Variants in SAMMSON observed in about 807,000 individuals in gnomAD.
SAMMSON encodes long intergenic non-protein coding RNA 1212.
intron 4 of SAMMSON, among the ~76,000 whole-genome samples, chr3:70,110,825 G>A (rs951213985): frequency 3.9e-5 from 6 of 152,090 alleles, no homozygotes; most frequent in Non-Finnish European, 7.4e-5. Context: ...CTGAACGTAC[G>A]CCACCTACTT....
At chr3:70,120,297 G>GT (rs1354020437) in intron 4 of SAMMSON, 3 of 152,218 alleles carry the variant, frequency 2.0e-5, no homozygotes, top group African/African-American at 7.2e-5. Context: ...ACCCAGGGAT[G>GT]TATGGCATTT....
chr3:70,365,906 T>C (rs576780518), intron 9 of SAMMSON, among the ~76,000 whole-genome samples: 1 of 151,654 alleles, frequency 6.6e-6, no homozygotes, highest in South Asian at 2.1e-4. Context: ...ACTTATATAT[T>C]GATTATTACA....
chr3:70,174,970 A>G (rs1207653541), intron 4 of SAMMSON, among the ~76,000 whole-genome samples: 1 of 152,074 alleles, frequency 6.6e-6, no homozygotes, highest in Non-Finnish European at 1.5e-5. Context: ...TCAAATTGAA[A>G]TGCATCTTAA....
rs78087148 is a variant in SAMMSON at position 70,409,465 on chromosome 3, TA to T, written n.233+51154del. On this transcript the variant is annotated intron_variant and non_coding_transcript_variant, in intron 2 of 3. Transcript: ENST00000641053. ...AGCCTCAGAAGACAAAGGCTTTGCTTAAAAAAAAAAAAAGAATTAGAGAAAA... is the reference window on the plus strand; with the variant it reads ...AGCCTCAGAAGACAAAGGCTTTGCTTAAAAAAAAAAAAGAATTAGAGAAAA... 9.2e-3 allele frequency among the ~76,000 whole-genome samples: 1,302 copies of T among 141,638 alleles called. 8 individuals are homozygous for T. The highest frequency in any genetic ancestry group is 0.019 in the African/African-American group (741 of 39,046). The allele number at this position is 141,638 out of a possible 152,430, so 92.9% of individuals were successfully genotyped here. A position where few individuals can be genotyped will look rare whatever the true frequency, so the allele number is the denominator to read the frequency against.
At chr3:70,169,581 C>T (rs2067653250) in intron 4 of SAMMSON, among the ~76,000 whole-genome samples, 1 of 150,482 alleles carries the variant, frequency 6.6e-6, no homozygotes, top group South Asian at 2.1e-4. Flanking sequence ...TCCTTGCTTT[C>T]AAAAGAAAAT....
At chr3:70,184,215 G>T (rs1701074936) in intron 4 of SAMMSON, 1 of 152,164 alleles carries the variant, frequency 6.6e-6, no homozygotes, top group Admixed American at 6.5e-5. Flanking sequence ...TATTTGTCCA[G>T]ATTAATAAAC....
chr3:70,030,865 T>A (rs1477135431), intron 3 of SAMMSON: 4 of 152,208 alleles, frequency 2.6e-5, no homozygotes, highest in Non-Finnish European at 5.9e-5. Flanking sequence ...ACACTCATTA[T>A]GTTGGCTATT....
At chr3:70,414,024 G>A (rs1315498289) in intron 2 of SAMMSON, among the ~76,000 whole-genome samples, 1 of 152,096 alleles carries the variant, frequency 6.6e-6, no homozygotes, top group Non-Finnish European at 1.5e-5. Flanking sequence ...GTCTTTTGTA[G>A]AAAAGAGCTT....
chr3:70,106,723 G>C (rs1245955930), intron 4 of SAMMSON, among the ~76,000 whole-genome samples: 1 of 152,114 alleles, frequency 6.6e-6, no homozygotes, highest in Admixed American at 6.6e-5. Flanking sequence ...GCTTTACAAA[G>C]CTTTTAAACT....
intron 7 of SAMMSON, among the ~76,000 whole-genome samples, chr3:70,339,067 G>T (rs1367748760): frequency 1.3e-5 from 2 of 151,888 alleles, no homozygotes; most frequent in Non-Finnish European, 1.5e-5. Context: ...TAGACCAATG[G>T]AACAGAACAG....
At chr3:70,418,922 T>TTCCTTTCCTA (rs1701286041) in intron 2 of SAMMSON, among the ~76,000 whole-genome samples, 2 of 49,246 alleles carry the variant, frequency 4.1e-5, no homozygotes, top group Admixed American at 4.3e-4. Flanking sequence ...TTTGCTTTCT[T>TTCCTTTCCTA]TCCTTTCCTT....
intron 6 of SAMMSON, among the ~76,000 whole-genome samples, chr3:70,257,115 C>A (rs948919515): frequency 6.6e-6 from 1 of 152,120 alleles, no homozygotes; most frequent in Admixed American, 6.5e-5. Context: ...TTAAAGCCAG[C>A]GCTACTTTTC....
intron 4 of SAMMSON, among the ~76,000 whole-genome samples, chr3:70,101,258 C>T (rs2067344745): frequency 6.6e-6 from 1 of 151,860 alleles, no homozygotes; most frequent in African/African-American, 2.4e-5. Context: ...CAGATGGGTC[C>T]AATATTTAAA....
At chr3:70,386,848 C>T (rs985560987) in intron 9 of SAMMSON, among the ~76,000 whole-genome samples, 2 of 151,942 alleles carry the variant, frequency 1.3e-5, no homozygotes, top group Non-Finnish European at 2.9e-5. Context: ...AAAAATGACA[C>T]ACAAGAAAAT....
At chr3:70,420,486 C>T (rs1435322398) in intron 2 of SAMMSON, among the ~76,000 whole-genome samples, 1 of 152,066 alleles carries the variant, frequency 6.6e-6, no homozygotes, top group Non-Finnish European at 1.5e-5. Context: ...CATAAAATAC[C>T]ATTAATAGTA....
chr3:70,056,748 T>C (rs1353684782), intron 3 of SAMMSON, among the ~76,000 whole-genome samples: 1 of 152,056 alleles, frequency 6.6e-6, no homozygotes, highest in African/African-American at 2.4e-5. Context: ...CAAAAGATTC[T>C]TACTCATGCT....
chr3:70,201,781 T>A (rs2106720550), intron 4 of SAMMSON, among the ~76,000 whole-genome samples: 1 of 152,242 alleles, frequency 6.6e-6, no homozygotes, highest in South Asian at 2.1e-4. Flanking sequence ...CCCTCTCCAT[T>A]CCCTCCTCTT....
At chr3:70,261,297 T>A (rs1160546792) in intron 6 of SAMMSON, among the ~76,000 whole-genome samples, 1 of 152,134 alleles carries the variant, frequency 6.6e-6, no homozygotes, top group Non-Finnish European at 1.5e-5. Flanking sequence ...AGTGTGGCTT[T>A]CTCCTTATTG....
At chr3:70,421,551 C>G (rs903962835) in intron 2 of SAMMSON, among the ~76,000 whole-genome samples, 1 of 152,022 alleles carries the variant, frequency 6.6e-6, no homozygotes, top group Non-Finnish European at 1.5e-5. Context: ...AATCAGAAAT[C>G]GAGCTGTGGG....
Sources: gnomAD v4.1 joint callset for allele counts (sites outside exome capture counted in the v4.1 genomes callset) on GRCh38, gnomAD v4.1.1 for gene constraint, MANE v1.5 for transcripts, NCBI Gene and HGNC (gene_info 2026-07-23, HGNC 2026-07-21) for gene names.